The following MYO1B variants were observed in gnomAD, a reference collection of about 807,000 sequenced individuals.
The protein encoded by MYO1B is unconventional myosin-Ib.
In MYO1B, 72 loss-of-function variants were observed where a neutral mutation model predicts 159.7. That is an observed-to-expected ratio of 0.45 (90% CI 0.37 to 0.55). The LOEUF is 0.55. Ranked by LOEUF, MYO1B falls within the 20% of genes least tolerant of loss-of-function variation. MYO1B has a pLI of 0.00. For synonymous variants in MYO1B, 468 were observed against 473.8 expected (o/e 0.99, Z 0.16); for missense variants, 1,062 against 1,364.8 (o/e 0.78, Z 3.50).
In MYO1B at chr2:191,274,546, G is replaced by A. The variant is rs372599237; in HGVS notation, c.-9-2341G>A. 1.2e-4 allele frequency among the ~76,000 whole-genome samples: 18 copies of A among 152,246 alleles called. No individual in the cohort carries two copies. In the East Asian group the frequency reaches 2.1e-3, roughly 18 times the overall value. On this transcript the variant is annotated intron_variant, in intron 1 of 30. Coordinates refer to ENST00000392318, the MANE Select transcript of MYO1B (RefSeq NM_001130158.3). ...TAGTTATTTTTGAAACCCTTCTCAG[G>A]TTGACTTCCCCCTTAATCCCTAAGC...
chr2:191,251,263 G>A (rs1035189456), intron 1 of MYO1B, among the ~76,000 whole-genome samples: 1 of 152,286 alleles, frequency 6.6e-6, no homozygotes, highest in African/African-American at 2.4e-5. Flanking sequence ...GTCTGCCTGC[G>A]AGCAGCATGC....
chr2:191,418,254 C>T (rs967541946), intron 30 of MYO1B, among the ~76,000 whole-genome samples: 1 of 152,170 alleles, frequency 6.6e-6, no homozygotes, highest in Non-Finnish European at 1.5e-5. Flanking sequence ...TGTCCAAAGT[C>T]ATAGGCAGGG....
At chr2:191,369,460 T>C in intron 11 of MYO1B, 82 bp from the exon 12 acceptor site, 2 of 1,053,698 alleles carry the variant, frequency 1.9e-6, no homozygotes, top group South Asian at 1.5e-5. Context: ...CAAATATTTT[T>C]TAAAAGTATC....
At chr2:191,273,928 T>C (rs1476429752) in intron 1 of MYO1B, among the ~76,000 whole-genome samples, 1 of 152,204 alleles carries the variant, frequency 6.6e-6, no homozygotes, top group Non-Finnish European at 1.5e-5. Flanking sequence ...TGGATCCTTT[T>C]GGTGGAGCAA....
chr2:191,338,715 A>G (rs1252344719), intron 4 of MYO1B, among the ~76,000 whole-genome samples: 2 of 152,182 alleles, frequency 1.3e-5, no homozygotes, highest in African/African-American at 2.4e-5. Flanking sequence ...AGAGGACTCA[A>G]TGTAGCCGTG....
chr2:191,251,236 C>G (rs932253079), intron 1 of MYO1B, among the ~76,000 whole-genome samples: 4 of 152,178 alleles, frequency 2.6e-5, no homozygotes, highest in African/African-American at 9.7e-5. Context: ...GGGCGTTTGT[C>G]TGATCTCTGG....
At chr2:191,392,895 A>G (rs912519370) in intron 19 of MYO1B, among the ~76,000 whole-genome samples, 178 bp from the exon 20 acceptor site, 5 of 152,234 alleles carry the variant, frequency 3.3e-5, no homozygotes, top group Non-Finnish European at 4.4e-5. Context: ...TGAATCCATC[A>G]AAATAATTTT....
rs1487803576 is a variant in MYO1B, at chr2:191,344,701, G to C, written c.452-1535G>C. On this transcript the variant is annotated intron_variant, in intron 5 of 30. Coordinates refer to ENST00000392318, the MANE Select transcript of MYO1B (RefSeq NM_001130158.3). ...AAAAATTAGCCGGGCGTAGTGGCGGGCGCCTGTAGTCCCAGCTACTTGGGA... is the reference window on the plus strand; with the variant it reads ...AAAAATTAGCCGGGCGTAGTGGCGGCCGCCTGTAGTCCCAGCTACTTGGGA... Among the ~76,000 whole-genome samples the C allele has an allele frequency of 6.6e-5, 10 of 150,706 alleles. No homozygotes were observed. The East Asian group carries it at 1.7e-3, about 26-fold the overall frequency.
chr2:191,387,510 A>G (rs1034138779), intron 17 of MYO1B, 60 bp downstream of exon 17: 19 of 1,458,636 alleles, frequency 1.3e-5, no homozygotes, highest in Non-Finnish European at 1.7e-5. Flanking sequence ...AAGGAATATC[A>G]TTTTTCCCTT....
At position 191,260,254 on chromosome 2, in the gene MYO1B, C is replaced by CTGTTTTTTTTTTTTTTTTTTTTTTTT. The variant is rs1553528551; in HGVS notation, c.-10+14629_-10+14630insGTTTTTTTTTTTTTTTTTTTTTTTTT. On this transcript the variant is annotated intron_variant, in intron 1 of 30. Transcript: ENST00000392318. ...TAATATTACTTTTTTCCCAGATAGG[C>CTGTTTTTTTTTTTTTTTTTTTTTTTT]TTTTTTTTTTTTTGAATTAAAGCTA... 3.3e-5 allele frequency among the ~76,000 whole-genome samples: 2 copies of CTGTTTTTTTTTTTTTTTTTTTTTTTT among 61,002 alleles called. 1 individual carries two copies. The highest frequency in any genetic ancestry group is 7.9e-5 in the Non-Finnish European group (2 of 25,282). The allele number at this position is 61,002 out of a possible 152,430, so 40.0% of individuals were successfully genotyped here. A position where few individuals can be genotyped will look rare whatever the true frequency, so the allele number is the denominator to read the frequency against.
Position 191,257,621 on chromosome 2 carries a change from A to G in MYO1B, c.-10+11995A>G, listed in dbSNP as rs192273654. Among the ~76,000 whole-genome samples, 20 of 152,276 alleles carry G rather than the reference A, an allele frequency of 1.3e-4. 2 individuals carry two copies. The East Asian group carries it at 3.9e-3, about 29-fold the overall frequency. ...GGTGGAGAAATGGACTTTCCTGCAA[A>G]GTGTGTTTATCTACAGGAATTTATT... On this transcript the variant is annotated intron_variant, in intron 1 of 30. Transcript: ENST00000392318.
At chr2:191,309,617 C>T (rs1291923268) in intron 3 of MYO1B, among the ~76,000 whole-genome samples, 3 of 152,196 alleles carry the variant, frequency 2.0e-5, no homozygotes, top group Non-Finnish European at 4.4e-5. Context: ...TGTTACTTCT[C>T]ACCCTCTCTT....
intron 9 of MYO1B, 21 bp from the exon 10 acceptor site, chr2:191,363,707 C>CTT (rs748921302): frequency 9.8e-6 from 14 of 1,432,120 alleles, no homozygotes; most frequent in South Asian, 1.4e-5. Flanking sequence ...AAAATAGTTG[C>CTT]TTTTTTTTTT....
chr2:191,278,149 A>C (rs11897594), intron 2 of MYO1B, among the ~76,000 whole-genome samples: 4,973 of 152,284 alleles, frequency 0.033, 258 homozygotes, highest in African/African-American at 0.11. Context: ...AAACAACAGA[A>C]ATTTGTTTCT....
chr2:191,280,123 A>G (rs954713701), intron 2 of MYO1B, among the ~76,000 whole-genome samples: 3 of 152,160 alleles, frequency 2.0e-5, no homozygotes, highest in Non-Finnish European at 4.4e-5. Flanking sequence ...CCTGGGTATG[A>G]GTTACGACTC....
intron 1 of MYO1B, chr2:191,263,417 G>A (rs2125697322): frequency 1.3e-6 from 1 of 771,606 alleles, no homozygotes; most frequent in Non-Finnish European, 1.6e-6. Context: ...TAAACCAGAG[G>A]GGCCTTATAA....
chr2:191,248,846 C>A (rs1026241339), intron 1 of MYO1B, among the ~76,000 whole-genome samples: 2 of 151,954 alleles, frequency 1.3e-5, no homozygotes, highest in South Asian at 4.2e-4. Context: ...GTTGGTTAGC[C>A]CCTGGCAGAT....
At chr2:191,328,187 A>G (rs1691227386) in intron 3 of MYO1B, among the ~76,000 whole-genome samples, 1 of 152,176 alleles carries the variant, frequency 6.6e-6, no homozygotes, top group Non-Finnish European at 1.5e-5. Flanking sequence ...CCAATTGTGA[A>G]TCCTAGGACA....
rs1698111251 is a variant in MYO1B at position 191,424,171 on chromosome 2, C to CTG, written c.*212_*213insGT. 5.6e-6 allele frequency: 3 copies of CTG among 536,436 alleles called. No individual in the cohort carries two copies. Among genetic ancestry groups the CTG allele is most frequent in the Admixed American group, 3.3e-5 (1 of 29,936 alleles). The allele number at this position is 536,436 out of a possible 1,614,324, so 33.2% of individuals were successfully genotyped here. A position where few individuals can be genotyped will look rare whatever the true frequency, so the allele number is the denominator to read the frequency against. ...CTGTCCTGGAGCAGGATTGTAGAAA[C>CTG]TAACAGTGTCTATTTTCATGTCTGA... On this transcript the variant is annotated 3_prime_UTR_variant, in exon 31 of 31. Transcript: ENST00000392318.
Sources: gnomAD v4.1 joint callset for allele counts (sites outside exome capture counted in the v4.1 genomes callset) on GRCh38, gnomAD v4.1.1 for gene constraint, MANE v1.5 for transcripts, NCBI Gene and HGNC (gene_info 2026-07-23, HGNC 2026-07-21) for gene names.